TJP1: variants seen among roughly 807,000 people sequenced by gnomAD.
TJP1 encodes tight junction protein ZO-1.
In TJP1, 43 loss-of-function variants were observed where a neutral mutation model predicts 194.2. That is an observed-to-expected ratio of 0.22 (90% CI 0.17 to 0.29). The LOEUF (loss-of-function observed/expected upper bound fraction) is 0.29, where lower values mean the gene tolerates loss of function less well. Ranked by LOEUF, TJP1 falls within the 10% of genes least tolerant of loss-of-function variation. The pLI, the probability that TJP1 is intolerant of heterozygous loss-of-function variation, is 1.00. For synonymous variants in TJP1, 801 were observed against 779.0 expected (o/e 1.03, Z -0.47); for missense variants, 1,971 against 2,185.7 (o/e 0.90, Z 1.96).
At chr15:29,867,415 T>C (rs1420367895) in intron 2 of TJP1, among the ~76,000 whole-genome samples, 1 of 152,194 alleles carries the variant, frequency 6.6e-6, no homozygotes, top group East Asian at 1.9e-4. Context: ...AGAAGGTAAC[T>C]TGCTTCCTGT....
chr15:29,723,379 G>A (rs747581939), intron 18 of TJP1, among the ~76,000 whole-genome samples: 1 of 152,280 alleles, frequency 6.6e-6, no homozygotes, highest in Non-Finnish European at 1.5e-5. Flanking sequence ...TTAAAAGTGT[G>A]TAGTACTCCC....
intron 2 of TJP1, among the ~76,000 whole-genome samples, chr15:29,914,612 C>T (rs533492342): frequency 1.3e-5 from 2 of 152,206 alleles, no homozygotes; most frequent in East Asian, 3.9e-4. Flanking sequence ...ACCCCACGGC[C>T]AGGGAGGGAG....
chr15:29,783,842 C>T (rs1489310167), intron 2 of TJP1, among the ~76,000 whole-genome samples: 10 of 152,242 alleles, frequency 6.6e-5, no homozygotes, highest in South Asian at 4.1e-4. Flanking sequence ...GAGAAAGTAA[C>T]TATTCGGTAC....
At chr15:29,799,754 T>C (rs1335707758) in intron 2 of TJP1, among the ~76,000 whole-genome samples, 1 of 152,166 alleles carries the variant, frequency 6.6e-6, no homozygotes, top group Non-Finnish European at 1.5e-5. Context: ...ACCCATTATC[T>C]ACTATGTGCA....
intron 1 of TJP1, among the ~76,000 whole-genome samples, chr15:29,962,803 T>A (rs929156171): frequency 8.5e-5 from 13 of 152,202 alleles, no homozygotes; most frequent in Non-Finnish European, 1.0e-4. Flanking sequence ...TCTGATGAAC[T>A]TAGAAAAAAT....
At chr15:29,794,345 A>T (rs1259033762) in intron 2 of TJP1, among the ~76,000 whole-genome samples, 1 of 152,152 alleles carries the variant, frequency 6.6e-6, no homozygotes, top group East Asian at 1.9e-4. Context: ...TACCTCTCTT[A>T]TCTCAATGTA....
intron 2 of TJP1, among the ~76,000 whole-genome samples, chr15:29,905,848 T>C (rs1451359751): frequency 6.6e-6 from 1 of 152,186 alleles, no homozygotes; most frequent in African/African-American, 2.4e-5. Context: ...GTGGTTGCCA[T>C]GGGTTTCCAG....
chr15:29,850,911 G>A (rs2051618921), intron 2 of TJP1, among the ~76,000 whole-genome samples: 1 of 152,134 alleles, frequency 6.6e-6, no homozygotes. Flanking sequence ...GCCGAGGTAG[G>A]TGAATCACTT....
chr15:29,843,652 C>A (rs2051308822), intron 2 of TJP1, among the ~76,000 whole-genome samples: 1 of 152,100 alleles, frequency 6.6e-6, no homozygotes, highest in African/African-American at 2.4e-5. Context: ...AAAACACAGA[C>A]AACAAATAAA....
In TJP1 at chr15:29,708,420, G is replaced by A. The variant is rs185899718; in HGVS notation, c.4850+139C>T. On this transcript the variant is annotated intron_variant, in intron 25 of 27. Coordinates refer to ENST00000614355, the MANE Select transcript of TJP1 (RefSeq NM_001330239.4). ...CTCCTGGAGGACCTTCTATGTAACAGCATTCATTGCAACAACACTCTTCAG... is the reference window on the plus strand; with the variant it reads ...CTCCTGGAGGACCTTCTATGTAACAACATTCATTGCAACAACACTCTTCAG... 9 of 717,434 alleles carry A rather than the reference G, an allele frequency of 1.3e-5. No individual in the cohort carries two copies. The East Asian group carries it at 2.2e-4, about 18-fold the overall frequency. The allele number at this position is 717,434 out of a possible 1,614,324, so 44.4% of individuals were successfully genotyped here. A position where few individuals can be genotyped will look rare whatever the true frequency, so the allele number is the denominator to read the frequency against.
intron 2 of TJP1, among the ~76,000 whole-genome samples, chr15:29,931,846 C>T (rs1344767909): frequency 6.6e-6 from 1 of 152,152 alleles, no homozygotes; most frequent in African/African-American, 2.4e-5. Flanking sequence ...TGCTGGTTGC[C>T]CATTTTTATG....
chr15:29,822,616 A>T (rs909011472), upstream of TJP1: 2 of 441,714 alleles, frequency 4.5e-6, no homozygotes, highest in Non-Finnish European at 6.0e-6. Context: ...CCAAGCGCGG[A>T]AGGAAAAGCC....
At chr15:29,948,735 T>A (rs1232771622) in intron 2 of TJP1, among the ~76,000 whole-genome samples, 1 of 152,020 alleles carries the variant, frequency 6.6e-6, no homozygotes, top group Non-Finnish European at 1.5e-5. Context: ...CTGAAGAACA[T>A]CCTACTGCAG....
chr15:29,726,368 A>C lies in TJP1; in HGVS notation c.2412+11T>G. 6.2e-7 allele frequency: 1 copy of C among 1,610,866 alleles called. No individual in the cohort carries two copies. Among genetic ancestry groups the C allele is most frequent in the Non-Finnish European group, 8.5e-7 (1 of 1,177,330 alleles). On this transcript the variant is annotated intron_variant, in intron 18 of 27. Coordinates refer to ENST00000614355, the MANE Select transcript of TJP1 (RefSeq NM_001330239.4). ...CTGAACAAGTCAAAAAAGTAATAGGAAATGTCTTACCTTTCCCTCGGAAAC... is the reference window on the plus strand; with the variant it reads ...CTGAACAAGTCAAAAAAGTAATAGGCAATGTCTTACCTTTCCCTCGGAAAC...
chr15:29,735,640 T>A (rs2043980703), intron 11 of TJP1, among the ~76,000 whole-genome samples: 1 of 151,908 alleles, frequency 6.6e-6, no homozygotes, highest in African/African-American at 2.4e-5. Context: ...ATGCCCTGAT[T>A]ACTTCAAAAC....
chr15:29,941,830 A>G (rs1211521618), intron 2 of TJP1, among the ~76,000 whole-genome samples: 1 of 151,856 alleles, frequency 6.6e-6, no homozygotes, highest in East Asian at 1.9e-4. Context: ...GCATGCGTGT[A>G]TGTGTTTGCA....
At chr15:29,949,442 TCCACCTTCACCACCACTTCCACCA>T (rs2055471108) in intron 2 of TJP1, among the ~76,000 whole-genome samples, 1 of 102,944 alleles carries the variant, frequency 9.7e-6, no homozygotes, top group African/African-American at 3.9e-5. Context: ...CACCTCCACC[TCCACCTTCACCACCACTTCCACCA>T]CCACCACCTC....
At chr15:29,758,251 C>A (rs2045775691) in intron 8 of TJP1, among the ~76,000 whole-genome samples, 1 of 151,990 alleles carries the variant, frequency 6.6e-6, no homozygotes, top group Non-Finnish European at 1.5e-5. Flanking sequence ...TTGGTCCCCC[C>A]TAAACCCCAG....
chr15:29,740,195 T>C (rs2044313647), intron 10 of TJP1, among the ~76,000 whole-genome samples: 1 of 152,018 alleles, frequency 6.6e-6, no homozygotes, highest in Non-Finnish European at 1.5e-5. Context: ...CAGGATGGTC[T>C]TGATCTCCTG....
Sources: gnomAD v4.1 joint callset for allele counts (sites outside exome capture counted in the v4.1 genomes callset) on GRCh38, gnomAD v4.1.1 for gene constraint, MANE v1.5 for transcripts, NCBI Gene and HGNC (gene_info 2026-07-23, HGNC 2026-07-21) for gene names.